The following PTPRD variants were observed in gnomAD, a reference collection of about 807,000 sequenced individuals.
PTPRD encodes the protein receptor-type tyrosine-protein phosphatase delta.
A neutral mutation model predicts 214.5 loss-of-function variants in PTPRD; 34 were observed. The observed-to-expected ratio is 0.16, with a 90% CI of 0.12 to 0.21. The LOEUF (loss-of-function observed/expected upper bound fraction) is 0.21, where lower values mean the gene tolerates loss of function less well. PTPRD is among the 10% of genes least tolerant of loss of function. The pLI is 1.00. For synonymous variants in PTPRD, 1,128 were observed against 845.7 expected (o/e 1.33, Z -5.79); for missense variants, 2,545 against 2,398.7 (o/e 1.06, Z -1.27).
chr9:10,412,441 A>T (rs1344223188), intron 2 of PTPRD, among the ~76,000 whole-genome samples: 1 of 151,748 alleles, frequency 6.6e-6, no homozygotes, highest in Non-Finnish European at 1.5e-5. Context: ...CAACCAAAAA[A>T]AAAGCTTAGG....
chr9:8,761,354 T>C (rs865785757), intron 11 of PTPRD, among the ~76,000 whole-genome samples: 4 of 152,148 alleles, frequency 2.6e-5, no homozygotes, highest in Admixed American at 6.5e-5. Context: ...TGATAACATA[T>C]ATTATAACTA....
intron 11 of PTPRD, among the ~76,000 whole-genome samples, chr9:8,807,840 A>G (rs1038452030): frequency 1.3e-5 from 2 of 152,208 alleles, no homozygotes; most frequent in Non-Finnish European, 2.9e-5. Context: ...TTAATAAAAT[A>G]TACAATGAAG....
At chr9:9,862,008 C>T (rs1262672509) in intron 5 of PTPRD, among the ~76,000 whole-genome samples, 2 of 152,044 alleles carry the variant, frequency 1.3e-5, no homozygotes, top group East Asian at 1.9e-4. Flanking sequence ...TCACTGTCTG[C>T]ATATATGTTA....
At chr9:9,805,733 C>G (rs1316484676) in intron 5 of PTPRD, among the ~76,000 whole-genome samples, 1 of 152,124 alleles carries the variant, frequency 6.6e-6, no homozygotes, top group Non-Finnish European at 1.5e-5. Flanking sequence ...CCTAATTACT[C>G]TATTCTCAAA....
intron 10 of PTPRD, among the ~76,000 whole-genome samples, chr9:9,066,497 G>C (rs2099734590): frequency 6.6e-6 from 1 of 152,114 alleles, no homozygotes; most frequent in African/African-American, 2.4e-5. Flanking sequence ...TCTCCCAAAA[G>C]ATAGTCATGT....
chr9:9,818,915 CAAAAAAAAA>C (rs58616042), intron 5 of PTPRD, among the ~76,000 whole-genome samples: 1 of 89,342 alleles, frequency 1.1e-5, no homozygotes. Context: ...GACACTGTCT[CAAAAAAAAA>C]AAAAAAAAAA....
At chr9:9,178,344 C>T (rs1002789187) in intron 10 of PTPRD, among the ~76,000 whole-genome samples, 2 of 151,912 alleles carry the variant, frequency 1.3e-5, no homozygotes, top group African/African-American at 4.8e-5. Flanking sequence ...TCTTTTCTCT[C>T]TCTTTTTCCT....
intron 14 of PTPRD, among the ~76,000 whole-genome samples, chr9:8,622,097 G>A (rs1246848346): frequency 1.5e-5 from 2 of 136,168 alleles, no homozygotes; most frequent in Non-Finnish European, 3.1e-5. Context: ...TCTCCACCTA[G>A]AGCAAAAAAG....
chr9:8,689,726 G>A (rs1258622067), intron 12 of PTPRD, among the ~76,000 whole-genome samples: 2 of 152,140 alleles, frequency 1.3e-5, no homozygotes, highest in African/African-American at 2.4e-5. Context: ...CACACAGGAT[G>A]TAATATCCTA....
chr9:8,448,649 G>A (rs528504148), intron 34 of PTPRD, among the ~76,000 whole-genome samples: 4 of 152,110 alleles, frequency 2.6e-5, no homozygotes, highest in African/African-American at 9.7e-5. Context: ...TATGATGCTT[G>A]TATAGCCACA....
intron 5 of PTPRD, among the ~76,000 whole-genome samples, chr9:9,842,301 T>TC (rs2058527476): frequency 1.4e-5 from 2 of 138,892 alleles, no homozygotes; most frequent in Admixed American, 1.5e-4. Context: ...GGAGAGCATT[T>TC]TTTTTTTTTT....
chr9:10,366,360 CA>C (rs1228424601), intron 2 of PTPRD, among the ~76,000 whole-genome samples: 2 of 152,158 alleles, frequency 1.3e-5, no homozygotes, highest in Non-Finnish European at 2.9e-5. Context: ...TTGCAGTTAT[CA>C]TTTTGACCTC....
At chr9:8,418,040 TG>T (rs2094075615) in intron 35 of PTPRD, among the ~76,000 whole-genome samples, 1 of 152,160 alleles carries the variant, frequency 6.6e-6, no homozygotes, top group Admixed American at 6.6e-5. Flanking sequence ...GGAATTGCCA[TG>T]TTGTGGTGCT....
chr9:10,259,748 C>T (rs1372484467), intron 3 of PTPRD, among the ~76,000 whole-genome samples: 1 of 152,174 alleles, frequency 6.6e-6, no homozygotes. Flanking sequence ...AGAAGCTCAG[C>T]TTTTGTAGCA....
At chr9:9,678,273 C>G (rs942266102) in intron 7 of PTPRD, among the ~76,000 whole-genome samples, 3 of 151,978 alleles carry the variant, frequency 2.0e-5, no homozygotes, top group Non-Finnish European at 4.4e-5. Flanking sequence ...CAATCTTAAG[C>G]CAAAAGAAGA....
chr9:10,209,726 A>G (rs1182237409), intron 3 of PTPRD, among the ~76,000 whole-genome samples: 1 of 152,190 alleles, frequency 6.6e-6, no homozygotes, highest in Non-Finnish European at 1.5e-5. Context: ...AAAATAAAAA[A>G]CAGACAAAAG....
In PTPRD at chr9:8,317,231, A is replaced by C; in HGVS notation, c.*643T>G. The C allele has an allele frequency of 4.3e-6, 1 of 232,200 alleles. No individual in the cohort carries two copies. Among genetic ancestry groups the C allele is most frequent in the Non-Finnish European group, 8.5e-6 (1 of 117,120 alleles). The allele number at this position is 232,200 out of a possible 1,614,324, so 14.4% of individuals were successfully genotyped here. A position where few individuals can be genotyped will look rare whatever the true frequency, so the allele number is the denominator to read the frequency against. ...GATAACAGTTCTACAGCTTAAAAAA[A>C]CCTACGATTTGGAAATAAAAAAATG... is the stretch of plus-strand genomic sequence containing the variant. On this transcript the variant is annotated 3_prime_UTR_variant, in exon 46 of 46. Transcript: ENST00000381196.
At chr9:9,161,436 A>G (rs1447453473) in intron 10 of PTPRD, among the ~76,000 whole-genome samples, 1 of 152,134 alleles carries the variant, frequency 6.6e-6, no homozygotes, top group Non-Finnish European at 1.5e-5. Flanking sequence ...TTTATTTGCT[A>G]AAGTGATCAC....
chr9:9,990,037 G>C (rs1387832938), intron 4 of PTPRD, among the ~76,000 whole-genome samples: 1 of 152,166 alleles, frequency 6.6e-6, no homozygotes, highest in Non-Finnish European at 1.5e-5. Flanking sequence ...TGAGTAACAT[G>C]GGGATCTGTC....
Sources: allele counts gnomAD v4.1 joint callset (sites outside exome capture counted in the v4.1 genomes callset), GRCh38; gene constraint gnomAD v4.1.1; transcripts MANE v1.5; gene names NCBI Gene and HGNC (gene_info 2026-07-23, HGNC 2026-07-21).